The following XRN1 variants were observed in gnomAD, a reference collection of about 807,000 sequenced individuals.
XRN1 encodes the protein strand-exchange protein 1 homolog.
XRN1 carries 67 observed loss-of-function variants against 222.3 expected under a neutral mutation model. The observed-to-expected ratio is 0.30, with a 90% CI of 0.25 to 0.37. XRN1 has a LOEUF of 0.37. Among genes scored for constraint, XRN1 ranks in the 10% least tolerant of loss-of-function variants. The pLI is 1.00. For synonymous variants in XRN1, 643 were observed against 652.4 expected, an observed-to-expected ratio of 0.99 and a Z score of 0.22; for missense variants, 1,707 against 2,000.2, an observed-to-expected ratio of 0.85 and a Z score of 2.80.
At chr3:142,444,463 T>A (rs1241664479) in intron 1 of XRN1, among the ~76,000 whole-genome samples, 1 of 151,976 alleles carries the variant, frequency 6.6e-6, no homozygotes, top group Non-Finnish European at 1.5e-5. Context: ...ACACAAAAAT[T>A]AGCTAGGCGT....
chr3:142,396,160 G>A (rs1029376207), intron 20 of XRN1, among the ~76,000 whole-genome samples: 1 of 152,078 alleles, frequency 6.6e-6, no homozygotes, highest in Admixed American at 6.6e-5. Context: ...TATCTATTAT[G>A]GCAGGTATCA....
At chr3:142,337,585 G>A (rs1560302063) in intron 33 of XRN1, among the ~76,000 whole-genome samples, 1 of 152,166 alleles carries the variant, frequency 6.6e-6, no homozygotes, top group Non-Finnish European at 1.5e-5. Flanking sequence ...ACTACAGGAT[G>A]AAGATTCTCA....
Position 142,309,231 on chromosome 3 carries a change from TTC to T in XRN1, c.*2278_*2279del, listed in dbSNP as rs1437485149. 6.6e-6 allele frequency: 1 copy of T among 152,182 alleles called. No homozygotes were observed. The highest frequency in any genetic ancestry group is 1.5e-5 in the Non-Finnish European group (1 of 68,032). The allele number at this position is 152,182 out of a possible 1,614,324, so 9.4% of individuals were successfully genotyped here. A position where few individuals can be genotyped will look rare whatever the true frequency, so the allele number is the denominator to read the frequency against. On this transcript the variant is annotated 3_prime_UTR_variant, in exon 41 of 41. Coordinates refer to ENST00000392981, the MANE Select transcript of XRN1 (RefSeq NM_001282857.2). ...AAAAAGTAAGGATAATAAAACTTTTTTCTTTTTTTTGAGACAGAGTCTTGCTC... is the reference window on the plus strand; with the variant it reads ...AAAAAGTAAGGATAATAAAACTTTTTTTTTTTTTGAGACAGAGTCTTGCTC...
At chr3:142,382,400 A>G (rs923782722) in intron 22 of XRN1, among the ~76,000 whole-genome samples, 1 of 152,176 alleles carries the variant, frequency 6.6e-6, no homozygotes, top group Non-Finnish European at 1.5e-5. Context: ...TACTGTCACT[A>G]CGGAATCATG....
chr3:142,395,264 A>G (rs1027950202), intron 20 of XRN1, among the ~76,000 whole-genome samples: 3 of 152,212 alleles, frequency 2.0e-5, no homozygotes, highest in African/African-American at 7.2e-5. Context: ...TCAGGGGGGA[A>G]TATGGTAGCA....
chr3:142,370,631 A>C lies in XRN1; in HGVS notation c.3069-11T>G. 1.9e-6 allele frequency: 3 copies of C among 1,557,108 alleles called. No homozygotes were observed. The highest frequency in any genetic ancestry group is 2.6e-6 in the Non-Finnish European group (3 of 1,159,512). On this transcript the variant is annotated splice_polypyrimidine_tract_variant and intron_variant, in intron 26 of 40. Transcript: ENST00000392981. ...TGAACTTTTTCAGCACTAAAGCAAAAACAATAATTTTTAAAATTTGATTAA... is the reference window on the plus strand; with the variant it reads ...TGAACTTTTTCAGCACTAAAGCAAACACAATAATTTTTAAAATTTGATTAA...
At chr3:142,346,079 C>T (rs62276397) in intron 33 of XRN1, among the ~76,000 whole-genome samples, 22,511 of 152,216 alleles carry the variant, frequency 0.15, 2,046 homozygotes, top group Middle Eastern at 0.26. Context: ...AAAACTTTTC[C>T]ACAGATATTC....
intron 19 of XRN1, 109 bp downstream of exon 19, chr3:142,400,335 G>C: frequency 1.1e-6 from 1 of 878,108 alleles, no homozygotes; most frequent in Non-Finnish European, 1.7e-6. Context: ...GGTACAGAGT[G>C]TAAATGTTCT....
chr3:142,312,319 C>A (rs1411992128), intron 40 of XRN1, among the ~76,000 whole-genome samples: 1 of 151,972 alleles, frequency 6.6e-6, no homozygotes, highest in East Asian at 1.9e-4. Flanking sequence ...AAATACAATT[C>A]TTCATAGGTT....
chr3:142,372,825 T>A (rs1471100396), intron 25 of XRN1, among the ~76,000 whole-genome samples: 1 of 152,152 alleles, frequency 6.6e-6, no homozygotes, highest in African/African-American at 2.4e-5. Flanking sequence ...TACATTCATA[T>A]CCACTGTCAA....
intron 3 of XRN1, 91 bp from the exon 4 acceptor site, chr3:142,425,629 G>A (rs921558157): frequency 2.6e-5 from 27 of 1,049,530 alleles, no homozygotes; most frequent in East Asian, 1.0e-4. Context: ...TGAGTACGCC[G>A]GGAATAGCTA....
chr3:142,380,120 A>G lies in XRN1; in HGVS notation c.2677T>C (p.Cys893Arg), dbSNP rs773702620. 4.3e-6 allele frequency: 7 copies of G among 1,613,880 alleles called. No individual in the cohort carries two copies. The East Asian group carries it at 1.3e-4, about 31-fold the overall frequency. ...ATTAAAGCATCAAGATTGGGTTCAC[A>G]TGGAATGCTGAAAATCACACGAATC... ...GRIRVIFSIP[C>R]EPNLDALIQN... Residue 893 changes from cysteine (C) to arginine (R), a missense_variant, in exon 23 of 41, where the codon TGT becomes CGT. Physicochemically the swap from Cys to Arg is radical, Grantham distance 180 (BLOSUM62 -3). This residue lies in a region of XRN1 where 1,234 missense variants were observed against 1,518.2 expected (regional missense o/e 0.81). Coordinates refer to ENST00000392981, the MANE Select transcript of XRN1 (RefSeq NM_001282857.2).
Position 142,357,257 on chromosome 3 carries a change from A to T in XRN1, c.3465-138T>A, listed in dbSNP as rs1055973674. 4 of 728,620 alleles carry T rather than the reference A, an allele frequency of 5.5e-6. No homozygotes were observed. The African/African-American group carries it at 7.1e-5, about 13-fold the overall frequency. The allele number at this position is 728,620 out of a possible 1,614,324, so 45.1% of individuals were successfully genotyped here. On this transcript the variant is annotated intron_variant, in intron 30 of 40. Transcript: ENST00000392981. Reference sequence around the variant, plus strand: ...TTTTTAATTCGGTAGAGGAACCTCAAATCACAGCAATAGCTCAATTTATAA... The same window carrying T: ...TTTTTAATTCGGTAGAGGAACCTCATATCACAGCAATAGCTCAATTTATAA...
intron 39 of XRN1, among the ~76,000 whole-genome samples, chr3:142,318,048 G>GT (rs1185823381): frequency 1.3e-5 from 2 of 152,060 alleles, no homozygotes; most frequent in Non-Finnish European, 2.9e-5. Context: ...AATGCTTATT[G>GT]TAAGCATTAG....
At position 142,447,767 on chromosome 3, in the gene XRN1, G is replaced by T; in HGVS notation, c.75+103C>A. ...CCCTAATGCCACTAATCGTCCAGAC[G>T]ACGAGGGGAAAGAGGTGGCTCGAAA... On this transcript the variant is annotated intron_variant, in intron 1 of 40. Coordinates refer to ENST00000392981, the MANE Select transcript of XRN1 (RefSeq NM_001282857.2). The surrounding 1 kb of genome is among the most constrained non-coding windows in gnomAD (Gnocchi z 4.2). 1.5e-6 allele frequency: 2 copies of T among 1,335,438 alleles called. No individual in the cohort carries two copies. The highest frequency in any genetic ancestry group is 1.3e-5 in the South Asian group (1 of 79,782). The allele number at this position is 1,335,438 out of a possible 1,614,324, so 82.7% of individuals were successfully genotyped here.
At chr3:142,379,983 T>C (rs1348995900) in intron 23 of XRN1, 99 bp downstream of exon 23, 2 of 886,898 alleles carry the variant, frequency 2.3e-6, no homozygotes, top group East Asian at 2.7e-5. Flanking sequence ...CATTATTAAA[T>C]AAAATATCTG....
chr3:142,443,237 C>T (rs1254632092), intron 1 of XRN1, among the ~76,000 whole-genome samples: 1 of 152,196 alleles, frequency 6.6e-6, no homozygotes, highest in Non-Finnish European at 1.5e-5. Flanking sequence ...CTGCACCACC[C>T]CTACTACGTG....
Position 142,384,703 on chromosome 3 carries a change from C to A in XRN1, c.2340-18G>T. The A allele has an allele frequency of 6.4e-7, 1 of 1,553,452 alleles. No homozygotes were observed. The highest frequency in any genetic ancestry group is 1.2e-5 in the South Asian group (1 of 83,200). On this transcript the variant is annotated intron_variant, in intron 20 of 40. Coordinates refer to ENST00000392981, the MANE Select transcript of XRN1 (RefSeq NM_001282857.2). ...TCAGGTAGCTAAAATAAAGAATAAA[C>A]ATGAAATATACATATGAATGAGTAT... is the stretch of plus-strand genomic sequence containing the variant.
chr3:142,343,611 GGT>G (rs2066059314), intron 33 of XRN1, among the ~76,000 whole-genome samples: 1 of 152,076 alleles, frequency 6.6e-6, no homozygotes, highest in Non-Finnish European at 1.5e-5. Flanking sequence ...TGGAGAAAAA[GGT>G]ACCCCTGTAT....
Sources: allele counts gnomAD v4.1 joint callset (sites outside exome capture counted in the v4.1 genomes callset), GRCh38; gene constraint gnomAD v4.1.1; regional missense constraint gnomAD v4.1.1; non-coding constraint Gnocchi (gnomAD v3.1); transcripts MANE v1.5; gene names NCBI Gene and HGNC (gene_info 2026-07-23, HGNC 2026-07-21).